INSR: variants seen among roughly 807,000 people sequenced by gnomAD.
INSR encodes the protein insulin receptor.
Under a neutral mutation model 142.6 loss-of-function variants are expected in INSR, and 67 were observed. The observed-to-expected ratio is 0.47, with a 90% CI of 0.39 to 0.58. The LOEUF (loss-of-function observed/expected upper bound fraction) is 0.58. Among genes scored for constraint, INSR ranks in the 20% least tolerant of loss-of-function variants. The pLI is 0.00. For missense variants in INSR, 1,248 were observed against 1,833.2 expected (o/e 0.68, Z 5.83); for synonymous variants, 756 against 743.1 (o/e 1.02, Z -0.28).
At chr19:7,207,901 A>AAGG (rs1555752220) in intron 2 of INSR, among the ~76,000 whole-genome samples, 2 of 72,746 alleles carry the variant, frequency 2.7e-5, no homozygotes, top group African/African-American at 5.2e-5. Context: ...GGAAGGAAGG[A>AAGG]AAGGAAGGAA....
At chr19:7,266,267 C>T (rs960912198) in intron 2 of INSR, among the ~76,000 whole-genome samples, 1 of 152,108 alleles carries the variant, frequency 6.6e-6, no homozygotes, top group Non-Finnish European at 1.5e-5. Context: ...CAATCTGCAC[C>T]AAGAGCCTCT....
chr19:7,167,622 T>C (rs1050402290), intron 7 of INSR, among the ~76,000 whole-genome samples: 5 of 149,474 alleles, frequency 3.3e-5, no homozygotes, highest in African/African-American at 1.2e-4. Context: ...AGATAAGCAA[T>C]ACATTTGATA....
chr19:7,247,738 G>T (rs1275494495), intron 2 of INSR, among the ~76,000 whole-genome samples: 2 of 152,134 alleles, frequency 1.3e-5, no homozygotes, highest in Non-Finnish European at 2.9e-5. Context: ...ACAGATATAG[G>T]CTTCAAATGC....
At chr19:7,181,616 C>T (rs1045684464) in intron 3 of INSR, among the ~76,000 whole-genome samples, 2 of 147,776 alleles carry the variant, frequency 1.4e-5, no homozygotes, top group South Asian at 4.2e-4. Context: ...TGCCTGGGGG[C>T]TAACGTGCAA....
chr19:7,120,791 T>G, intron 19 of INSR, 42 bp from the exon 20 acceptor site: 1 of 1,608,388 alleles, frequency 6.2e-7, no homozygotes, highest in Admixed American at 1.7e-5. Context: ...CCTTCAGCCT[T>G]GGTCCTAGCA....
Position 7,113,651 on chromosome 19 carries a change from T to TTTG in INSR, c.*3402_*3404dup, listed in dbSNP as rs886054663. On this transcript the variant is annotated 3_prime_UTR_variant, in exon 22 of 22. Coordinates refer to ENST00000302850, the MANE Select transcript of INSR (RefSeq NM_000208.4). ...TTATCCTAAGCTGGTTTTGTTGCTT[T>TTTG]TTGTTGTTGTTGTTGCAACTTAACA... 6.6e-6 allele frequency: 1 copy of TTTG among 152,156 alleles called. No homozygotes were observed. Among genetic ancestry groups the TTTG allele is most frequent in the African/African-American group, 2.4e-5 (1 of 41,448 alleles). The allele number at this position is 152,156 out of a possible 1,614,324, so 9.4% of individuals were successfully genotyped here. A position where few individuals can be genotyped will look rare whatever the true frequency, so the allele number is the denominator to read the frequency against.
chr19:7,125,642 T>A lies in INSR; in HGVS notation c.3014-115A>T. 5 of 1,420,334 alleles carry A rather than the reference T, an allele frequency of 3.5e-6. No individual in the cohort carries two copies. In the South Asian group the frequency reaches 5.8e-5, roughly 17 times the overall value. The allele number at this position is 1,420,334 out of a possible 1,614,324, so 88.0% of individuals were successfully genotyped here. A position where few individuals can be genotyped will look rare whatever the true frequency, so the allele number is the denominator to read the frequency against. ...GAAAACACTCATGAAATGAGTTCTG[T>A]GATCCAGGACCCATGCCGGGCACTG... On this transcript the variant is annotated intron_variant, in intron 16 of 21. Transcript: ENST00000302850. The surrounding 1 kb of genome is among the most constrained non-coding windows in gnomAD (Gnocchi z 4.9).
chr19:7,208,436 C>G (rs1220555509), intron 2 of INSR, among the ~76,000 whole-genome samples: 2 of 152,038 alleles, frequency 1.3e-5, no homozygotes, highest in South Asian at 4.1e-4. Flanking sequence ...AAAAAAAAAT[C>G]CCTGAAAAAT....
chr19:7,273,768 C>G (rs904429136), intron 1 of INSR, among the ~76,000 whole-genome samples: 1 of 151,918 alleles, frequency 6.6e-6, no homozygotes, highest in African/African-American at 2.4e-5. Flanking sequence ...CCGCCCACCT[C>G]GGCCTCCCAA....
chr19:7,239,591 G>A (rs1168893610), intron 2 of INSR, among the ~76,000 whole-genome samples: 1 of 151,864 alleles, frequency 6.6e-6, no homozygotes, highest in East Asian at 1.9e-4. Flanking sequence ...CTTCAATTCT[G>A]AACATCAATC....
intron 2 of INSR, among the ~76,000 whole-genome samples, chr19:7,228,967 C>T (rs1975866350): frequency 8.2e-6 from 1 of 121,662 alleles, no homozygotes; most frequent in Non-Finnish European, 1.7e-5. Flanking sequence ...GGATTGTTGG[C>T]AGAGTAGACA....
rs964206482 is a variant in INSR at position 7,115,360 on chromosome 19, C to A, written c.*1696G>T. 6.6e-6 allele frequency: 1 copy of A among 152,072 alleles called. No homozygotes were observed. Among genetic ancestry groups the A allele is most frequent in the African/African-American group, 2.4e-5 (1 of 41,398 alleles). The allele number at this position is 152,072 out of a possible 1,614,324, so 9.4% of individuals were successfully genotyped here. A position where few individuals can be genotyped will look rare whatever the true frequency, so the allele number is the denominator to read the frequency against. ...GGAAGTTCTTGGTGGTGTGTAAGGT[C>A]TTTTTCACGGTTTCTCCTCCAGACT... On this transcript the variant is annotated 3_prime_UTR_variant, in exon 22 of 22. Transcript: ENST00000302850.
rs1967772190 is a variant in INSR, at chr19:7,267,485, T to A, written c.512A>T (p.Tyr171Phe). Residue 171 changes from tyrosine to phenylalanine, a missense_variant, in exon 2 of 22, where the codon TAC (tyrosine) becomes TTC (phenylalanine). Around this residue, in one of 3 missense-constraint regions of INSR, gnomAD observed 1,069 missense variants for 1,654.0 expected, o/e 0.65. Coordinates refer to ENST00000302850, the MANE Select transcript of INSR (RefSeq NM_000208.4). The surrounding 1 kb of genome is among the most constrained non-coding windows in gnomAD (Gnocchi z 6.3). ...SRILDSVEDN[Y>F]IVLNKDDNEE... Reference sequence around the variant, plus strand: ...GTTGTCATCTTTGTTCAACACGATGTAATTATCCTCCACGGAATCCAGGAT... The same window carrying A: ...GTTGTCATCTTTGTTCAACACGATGAAATTATCCTCCACGGAATCCAGGAT... The A allele has an allele frequency of 6.2e-7, 1 of 1,613,968 alleles. No individual in the cohort carries two copies. The highest frequency in any genetic ancestry group is 1.7e-5 in the Admixed American group (1 of 59,980).
intron 1 of INSR, among the ~76,000 whole-genome samples, chr19:7,289,073 T>C (rs1299292339): frequency 6.6e-6 from 1 of 151,400 alleles, no homozygotes; most frequent in African/African-American, 2.4e-5. Context: ...CAGAAGAACT[T>C]AGGCACAGGT....
At chr19:7,288,463 C>T (rs960640256) in intron 1 of INSR, among the ~76,000 whole-genome samples, 1 of 151,990 alleles carries the variant, frequency 6.6e-6, no homozygotes. Flanking sequence ...CATAGTGAGA[C>T]TCTGTCTCTA....
intron 1 of INSR, among the ~76,000 whole-genome samples, chr19:7,280,048 G>A (rs886895491): frequency 4.1e-5 from 6 of 146,416 alleles, no homozygotes; most frequent in South Asian, 4.4e-4. Context: ...GGCGGATCAC[G>A]AGGTCAAGAG....
chr19:7,236,247 C>T (rs1976156081), intron 2 of INSR, among the ~76,000 whole-genome samples: 1 of 152,088 alleles, frequency 6.6e-6, no homozygotes. Flanking sequence ...CAAGCATGAG[C>T]CACCGCACCT....
At chr19:7,287,691 GTTTC>G (rs1021649704) in intron 1 of INSR, among the ~76,000 whole-genome samples, 2 of 152,108 alleles carry the variant, frequency 1.3e-5, no homozygotes, top group African/African-American at 4.8e-5. Context: ...AATGACACAC[GTTTC>G]TTTAACATCT....
chr19:7,229,931 A>G (rs1421850245), intron 2 of INSR, among the ~76,000 whole-genome samples: 1 of 151,810 alleles, frequency 6.6e-6, no homozygotes, highest in Admixed American at 6.6e-5. Context: ...ATGCTCAGCT[A>G]ATTTTTCTTT....
Sources: gnomAD v4.1 joint callset for allele counts (sites outside exome capture counted in the v4.1 genomes callset) on GRCh38, gnomAD v4.1.1 for gene constraint, gnomAD v4.1.1 regional missense constraint, Gnocchi (gnomAD v3.1) non-coding constraint, MANE v1.5 for transcripts, NCBI Gene and HGNC (gene_info 2026-07-23, HGNC 2026-07-21) for gene names.